The following EMC3 variants were observed in gnomAD, a reference collection of about 807,000 sequenced individuals.
EMC3 encodes the protein 30 kDa protein.
EMC3 carries 13 observed loss-of-function variants against 36.6 expected under a neutral mutation model. The ratio of observed to expected loss-of-function variants is 0.35; its 90% confidence interval spans 0.23 to 0.56. The LOEUF (loss-of-function observed/expected upper bound fraction) is 0.56, where lower values mean the gene tolerates loss of function less well. EMC3 is among the 20% of genes least tolerant of loss of function. The pLI is 0.84. For missense variants in EMC3, 220 were observed against 324.5 expected (o/e 0.68, Z 2.47); for synonymous variants, 120 against 111.9 (o/e 1.07, Z -0.46).
intron 1 of EMC3, chr3:10,008,509 A>C (rs1488653546): frequency 3.0e-5 from 41 of 1,364,096 alleles, no homozygotes; most frequent in Non-Finnish European, 4.0e-5. Flanking sequence ...ACAGCCATGG[A>C]GGGTGGGGAG....
At chr3:9,970,911 G>A (rs2085778407) in intron 5 of EMC3, among the ~76,000 whole-genome samples, 1 of 150,556 alleles carries the variant, frequency 6.6e-6, no homozygotes, top group Admixed American at 6.6e-5. Flanking sequence ...AATCACAAGT[G>A]TTGGTGTGTT....
At chr3:9,980,802 T>A (rs1233038280) in intron 1 of EMC3, among the ~76,000 whole-genome samples, 1 of 152,154 alleles carries the variant, frequency 6.6e-6, no homozygotes, top group Non-Finnish European at 1.5e-5. Flanking sequence ...CATATTTTAT[T>A]ACTTGAACAG....
chr3:9,974,602 A>C, intron 3 of EMC3, 114 bp from the exon 4 acceptor site: 1 of 660,362 alleles, frequency 1.5e-6, no homozygotes. Context: ...TCTGTCGCCC[A>C]GGCTGGAGTG....
At chr3:9,966,301 C>A (rs1388354444) in intron 7 of EMC3, among the ~76,000 whole-genome samples, 2 of 151,482 alleles carry the variant, frequency 1.3e-5, no homozygotes, top group Admixed American at 1.3e-4. Context: ...CCGCTCACTG[C>A]AACCTCCGCC....
At chr3:9,996,689 A>G (rs1425669149) in intron 1 of EMC3, among the ~76,000 whole-genome samples, 1 of 152,218 alleles carries the variant, frequency 6.6e-6, no homozygotes, top group East Asian at 1.9e-4. Context: ...CAAAACATAT[A>G]GAAGAGTATC....
intron 6 of EMC3, among the ~76,000 whole-genome samples, chr3:9,970,092 T>G (rs1444418420): frequency 6.6e-6 from 1 of 152,220 alleles, no homozygotes; most frequent in Non-Finnish European, 1.5e-5. Flanking sequence ...CTTCACTAAG[T>G]GCTTTGCATA....
chr3:9,964,942 A>G (rs2085721621), intron 7 of EMC3, among the ~76,000 whole-genome samples: 1 of 152,122 alleles, frequency 6.6e-6, no homozygotes, highest in African/African-American at 2.4e-5. Context: ...TGAGTGTCTA[A>G]AAAATGCTTT....
At position 9,995,859 on chromosome 3, in the gene EMC3, GA is replaced by G. The variant is rs796987269; in HGVS notation, c.-241-8958del. 5.8e-3 allele frequency among the ~76,000 whole-genome samples: 826 copies of G among 142,586 alleles called. 7 individuals carry two copies. The highest frequency in any genetic ancestry group is 0.018 in the African/African-American group (708 of 39,026). The allele number at this position is 142,586 out of a possible 152,430, so 93.5% of individuals were successfully genotyped here. ...AAACCTCTTTACTTGAAATTTGCTG[GA>G]AAAAAAAAAAGCAAATGATAGATTT... On this transcript the variant is annotated intron_variant, in intron 1 of 8. Coordinates refer to the EMC3 transcript ENST00000470827.
intron 1 of EMC3, among the ~76,000 whole-genome samples, chr3:9,985,998 T>C (rs2085967340): frequency 6.6e-6 from 1 of 152,180 alleles, no homozygotes; most frequent in South Asian, 2.1e-4. Context: ...TCCTTACATC[T>C]CTAATGGCAG....
chr3:10,000,981 A>C (rs2086191840), intron 1 of EMC3: 4 of 279,228 alleles, frequency 1.4e-5, no homozygotes, highest in Non-Finnish European at 3.1e-5. Context: ...GGGGCCACGA[A>C]GGTTGCCACT....
chr3:9,966,555 A>G (rs2085738315), intron 7 of EMC3, among the ~76,000 whole-genome samples: 1 of 145,448 alleles, frequency 6.9e-6, no homozygotes. Flanking sequence ...TTTTTTTGAG[A>G]CAGAGTGATC....
At chr3:10,007,311 G>A in intron 1 of EMC3, 1 of 1,294,332 alleles carries the variant, frequency 7.7e-7, no homozygotes, top group Non-Finnish European at 1.0e-6. Context: ...AGAAGGACCA[G>A]CAGCCCCTTC....
At chr3:9,988,689 T>G, upstream of EMC3, 1 of 1,455,478 alleles carries the variant, frequency 6.9e-7, no homozygotes, top group South Asian at 1.2e-5. Context: ...CATAATATTT[T>G]TGTGACTCTC....
At chr3:9,999,640 T>C (rs2086173517) in intron 1 of EMC3, among the ~76,000 whole-genome samples, 1 of 152,248 alleles carries the variant, frequency 6.6e-6, no homozygotes, top group South Asian at 2.1e-4. Context: ...TCTAATCATT[T>C]TAAGTTGGCA....
intron 1 of EMC3, among the ~76,000 whole-genome samples, chr3:9,996,760 A>G (rs77313788): frequency 4.6e-5 from 7 of 152,206 alleles, no homozygotes; most frequent in Non-Finnish European, 8.8e-5. Context: ...TCCCACAGGG[A>G]CAATCACTTT....
chr3:9,965,609 T>C (rs756195114), intron 7 of EMC3, among the ~76,000 whole-genome samples: 42 of 152,204 alleles, frequency 2.8e-4, no homozygotes, highest in Admixed American at 6.5e-5. Flanking sequence ...CACTATCTAA[T>C]TGCAGAACAC....
At chr3:9,992,540 G>C (rs187857076) in intron 1 of EMC3, among the ~76,000 whole-genome samples, 1,736 of 152,258 alleles carry the variant, frequency 0.011, 134 homozygotes, top group Admixed American at 0.1. Context: ...TTTTCACAAA[G>C]TAATTTTTCT....
At chr3:9,989,749 A>T (rs1478447080), upstream of EMC3, among the ~76,000 whole-genome samples, 1 of 152,060 alleles carries the variant, frequency 6.6e-6, no homozygotes, top group African/African-American at 2.4e-5. Flanking sequence ...ATTTTTACGT[A>T]TTTGTAATCA....
At chr3:9,989,894 G>A (rs988566327), upstream of EMC3, among the ~76,000 whole-genome samples, 2 of 150,762 alleles carry the variant, frequency 1.3e-5, no homozygotes, top group African/African-American at 4.9e-5. Context: ...GTCCTAAGAA[G>A]TGGAGCATTC....
Sources: gnomAD v4.1 joint callset for allele counts (sites outside exome capture counted in the v4.1 genomes callset) on GRCh38, gnomAD v4.1.1 for gene constraint, MANE v1.5 for transcripts, NCBI Gene and HGNC (gene_info 2026-07-23, HGNC 2026-07-21) for gene names.